Variants in FCHO1 observed in about 807,000 individuals in gnomAD.
FCHO1 encodes FCH and mu domain containing endocytic adaptor 1, also known as F-BAR domain only protein 1.
In FCHO1, 45 loss-of-function variants were observed where a neutral mutation model predicts 114.4. The ratio of observed to expected loss-of-function variants is 0.39; its 90% confidence interval spans 0.31 to 0.50. FCHO1 has a LOEUF of 0.50. FCHO1 is among the 20% of genes least tolerant of loss of function. The probability of loss-of-function intolerance (pLI) is 0.77; values close to 1 mark genes in which losing one functional copy is unlikely to be tolerated. For synonymous variants in FCHO1, 480 were observed against 488.9 expected (o/e 0.98, Z 0.24); for missense variants, 1,042 against 1,209.6 (o/e 0.86, Z 2.06).
Position 17,776,838 on chromosome 19 carries a change from C to T in FCHO1, c.1259+152C>T, listed in dbSNP as rs947525111. Reference sequence around the variant, plus strand: ...GTTTTTGTTTTGAGACAGAGTCTCACTCTGTCACCCAGGCTGGAGTGCGAT... The same window carrying T: ...GTTTTTGTTTTGAGACAGAGTCTCATTCTGTCACCCAGGCTGGAGTGCGAT... On this transcript the variant is annotated intron_variant, in intron 18 of 28. Transcript: ENST00000596536. The surrounding 1 kb of genome is among the most constrained non-coding windows in gnomAD (Gnocchi z 4.4). 2 of 720,638 alleles carry T rather than the reference C, an allele frequency of 2.8e-6. No individual in the cohort carries two copies. Among genetic ancestry groups the T allele is most frequent in the Admixed American group, 5.7e-5 (2 of 34,822 alleles). The allele number at this position is 720,638 out of a possible 1,614,324, so 44.6% of individuals were successfully genotyped here.
chr19:17,766,578 C>T, intron 6 of FCHO1, 91 bp from the exon 7 acceptor site: 1 of 1,508,414 alleles, frequency 6.6e-7, no homozygotes, highest in South Asian at 1.2e-5. Context: ...TAGCAGGGCT[C>T]AGCGTGCAGC....
intron 7 of FCHO1, among the ~76,000 whole-genome samples, chr19:17,767,183 C>T (rs1443072423): frequency 6.6e-6 from 1 of 151,800 alleles, no homozygotes; most frequent in Non-Finnish European, 1.5e-5. Flanking sequence ...TGGGCTCAAG[C>T]GAACCTCCTG....
Position 17,788,353 on chromosome 19 carries a change from G to T in FCHO1, c.*47G>T, listed in dbSNP as rs1198688922. 3 of 1,527,186 alleles carry T rather than the reference G, an allele frequency of 2.0e-6. No homozygotes were observed. Among genetic ancestry groups the T allele is most frequent in the South Asian group, 2.3e-5 (2 of 87,206 alleles). The allele number at this position is 1,527,186 out of a possible 1,614,324, so 94.6% of individuals were successfully genotyped here. On this transcript the variant is annotated 3_prime_UTR_variant, in exon 29 of 29. Transcript: ENST00000596536. The stretch of plus-strand genomic sequence containing the variant: ...AGCTCTACACTGCGCCCTGGTGCTG[G>T]CTGACCACCCCCTGCCCTCCTGCCG...
At chr19:17,756,807 G>A (rs567652116) in intron 4 of FCHO1, among the ~76,000 whole-genome samples, 2 of 152,246 alleles carry the variant, frequency 1.3e-5, no homozygotes, top group East Asian at 1.9e-4. Flanking sequence ...GTCTCATTGC[G>A]CCAGGGCAGG....
chr19:17,780,383 C>T (rs1487096240), intron 20 of FCHO1, among the ~76,000 whole-genome samples: 11 of 152,008 alleles, frequency 7.2e-5, no homozygotes, highest in South Asian at 2.1e-4. Context: ...AGGCTGGTCT[C>T]GAACTCCTGA....
At position 17,764,534 on chromosome 19, in the gene FCHO1, T is replaced by C; in HGVS notation, c.194+85T>C. On this transcript the variant is annotated intron_variant, in intron 6 of 28. Transcript: ENST00000596536. Reference sequence around the variant, plus strand: ...CTCTTCACACTCGGTGCATGTAGAATAGAGTGTCATCCACCTCGATTATGG... The same window carrying C: ...CTCTTCACACTCGGTGCATGTAGAACAGAGTGTCATCCACCTCGATTATGG... 3.6e-6 allele frequency: 4 copies of C among 1,111,182 alleles called. No homozygotes were observed. The South Asian group carries it at 6.0e-5, about 17-fold the overall frequency. The allele number at this position is 1,111,182 out of a possible 1,614,324, so 68.8% of individuals were successfully genotyped here. A position where few individuals can be genotyped will look rare whatever the true frequency, so the allele number is the denominator to read the frequency against.
intron 4 of FCHO1, among the ~76,000 whole-genome samples, chr19:17,757,912 TCTCAA>T (rs2084349719): frequency 8.9e-6 from 1 of 112,586 alleles, no homozygotes; most frequent in African/African-American, 3.3e-5. Context: ...CAAGACCCTG[TCTCAA>T]AAAAAAAAAA....
At chr19:17,785,461 G>A (rs1303377855) in intron 26 of FCHO1, among the ~76,000 whole-genome samples, 1 of 151,988 alleles carries the variant, frequency 6.6e-6, no homozygotes, top group Non-Finnish European at 1.5e-5. Flanking sequence ...GACCTCAGGT[G>A]ATCCACCCGC....
Position 17,778,651 on chromosome 19 carries a change from C to A in FCHO1, c.1394C>A (p.Ser465Tyr). The A allele has an allele frequency of 1.9e-6, 3 of 1,577,202 alleles. No homozygotes were observed. Among genetic ancestry groups the A allele is most frequent in the Non-Finnish European group, 2.6e-6 (3 of 1,165,312 alleles). Reference protein sequence around the residue: ...LGFTSSPSPFSSSSPENVEDS... With the variant: ...LGFTSSPSPFYSSSPENVEDS... ...TTCACCTCCAGCCCCTCCCCTTTCT[C>A]CTCCTCGTCGCCCGAAAACGTGGAG... Residue 465 changes from serine (S) to tyrosine (Y), a missense_variant, in exon 20 of 29, where the codon TCC becomes TAC. Physicochemically the swap from Ser to Tyr is moderately radical, Grantham distance 144. Around this residue, in one of 3 missense-constraint regions of FCHO1, gnomAD observed 455 missense variants for 455.4 expected, o/e 1.00. Transcript: ENST00000596536.
In FCHO1 at chr19:17,777,268, G is replaced by A. The variant is rs905579262; in HGVS notation, c.1259+582G>A. Among the ~76,000 whole-genome samples, 5 of 152,004 alleles carry A rather than the reference G, an allele frequency of 3.3e-5. No homozygotes were observed. The South Asian group carries it at 6.2e-4, about 19-fold the overall frequency. Reference sequence around the variant, plus strand: ...AATAGCAAATAGGGCCAGGCGTGGCGGCTCACGCCTGTAATTCCAGCACTT... The same window carrying A: ...AATAGCAAATAGGGCCAGGCGTGGCAGCTCACGCCTGTAATTCCAGCACTT... On this transcript the variant is annotated intron_variant, in intron 18 of 28. Transcript: ENST00000596536.
chr19:17,771,671 AAAAATAAAAAAT>A (rs1259448631), intron 9 of FCHO1, among the ~76,000 whole-genome samples: 2 of 152,100 alleles, frequency 1.3e-5, no homozygotes, highest in African/African-American at 2.4e-5. Flanking sequence ...TCTGTCTCAA[AAAAATAAAAAAT>A]AAAATAAAAA....
chr19:17,787,648 G>A (rs1211035978), intron 27 of FCHO1, 34 bp from the exon 28 acceptor site: 7 of 1,528,504 alleles, frequency 4.6e-6, no homozygotes, highest in Non-Finnish European at 6.2e-6. Context: ...ACGGGGGCTG[G>A]TGCCAGGGCG....
intron 4 of FCHO1, among the ~76,000 whole-genome samples, chr19:17,759,101 T>C (rs570781634): frequency 7.2e-4 from 110 of 152,244 alleles, no homozygotes; most frequent in Admixed American, 1.2e-3. Context: ...GAGGGATGGC[T>C]TCACTGATGT....
At position 17,770,409 on chromosome 19, in the gene FCHO1, C is replaced by T; in HGVS notation, c.337-16C>T. The T allele has an allele frequency of 6.3e-7, 1 of 1,592,018 alleles. No homozygotes were observed. The stretch of plus-strand genomic sequence containing the variant: ...AATTTCACAGTCTACCCATGAAATC[C>T]CCTCCTACCCCGCAGTGCAAGGAGG... On this transcript the variant is annotated splice_polypyrimidine_tract_variant and intron_variant, in intron 7 of 28. Coordinates refer to ENST00000596536, the MANE Select transcript of FCHO1 (RefSeq NM_015122.3).
Position 17,776,342 on chromosome 19 carries a change from A to T in FCHO1, c.1207+71A>T. On this transcript the variant is annotated intron_variant, in intron 17 of 28. Transcript: ENST00000596536. This position sits in a 1 kb window ranked among gnomAD's most constrained non-coding sequence, Gnocchi z 4.4. ...GAGGCTATGGGTTTGGGCTTGAATC[A>T]TAACTCCGTTTTGTAACTTTGGGCA... 6.3e-7 allele frequency: 1 copy of T among 1,593,252 alleles called. No individual in the cohort carries two copies. Among genetic ancestry groups the T allele is most frequent in the Non-Finnish European group, 8.6e-7 (1 of 1,161,076 alleles).
upstream of FCHO1, among the ~76,000 whole-genome samples, chr19:17,750,005 G>A (rs1218593323): frequency 1.3e-5 from 2 of 152,284 alleles, no homozygotes; most frequent in East Asian, 1.9e-4. Flanking sequence ...CAGCGGCTCC[G>A]GACACCCAGC....
Position 17,784,070 on chromosome 19 carries a change from G to C in FCHO1, c.2094-33G>C, listed in dbSNP as rs764126635. The C allele has an allele frequency of 1.3e-6, 2 of 1,594,064 alleles. No homozygotes were observed. The highest frequency in any genetic ancestry group is 2.7e-5 in the African/African-American group (2 of 74,608). On this transcript the variant is annotated intron_variant, in intron 24 of 28. Coordinates refer to ENST00000596536, the MANE Select transcript of FCHO1 (RefSeq NM_015122.3). This position sits in a 1 kb window ranked among gnomAD's most constrained non-coding sequence, Gnocchi z 5.3. ...TGGGAGCCCTGGGAGGGCATGTCCC[G>C]AGGATTGGGGTGATCAGTCCGGGTC...
At chr19:17,765,208 G>T (rs984198583) in intron 6 of FCHO1, among the ~76,000 whole-genome samples, 2 of 152,150 alleles carry the variant, frequency 1.3e-5, no homozygotes, top group African/African-American at 4.8e-5. Flanking sequence ...GAGGGACAGA[G>T]ACCCGGGCAA....
At chr19:17,787,867 TG>T in intron 28 of FCHO1, 21 bp downstream of exon 28, 1 of 1,606,582 alleles carries the variant, frequency 6.2e-7, no homozygotes, top group Non-Finnish European at 8.5e-7. Context: ...ACCCTGCTGC[TG>T]GGTGACCTCA....
Sources: allele counts gnomAD v4.1 joint callset (sites outside exome capture counted in the v4.1 genomes callset), GRCh38; gene constraint gnomAD v4.1.1; regional missense constraint gnomAD v4.1.1; non-coding constraint Gnocchi (gnomAD v3.1); transcripts MANE v1.5; gene names NCBI Gene and HGNC (gene_info 2026-07-23, HGNC 2026-07-21).